SDK2: variants seen among roughly 807,000 people sequenced by gnomAD.
SDK2 encodes the protein sidekick cell adhesion molecule 2, also known as protein sidekick-2.
SDK2 carries 105 observed loss-of-function variants against 253.9 expected under a neutral mutation model. The ratio of observed to expected loss-of-function variants is 0.41; its 90% confidence interval spans 0.35 to 0.49. The LOEUF (loss-of-function observed/expected upper bound fraction) is 0.49. Among genes scored for constraint, SDK2 ranks in the 20% least tolerant of loss-of-function variants. The pLI is 0.06. For synonymous variants in SDK2, 1,249 were observed against 1,234.9 expected, an observed-to-expected ratio of 1.01 and a Z score of -0.24; for missense variants, 2,608 against 3,003.0, an observed-to-expected ratio of 0.87 and a Z score of 3.07.
chr17:73,527,857 A>C (rs527904730), intron 1 of SDK2, among the ~76,000 whole-genome samples: 6 of 152,248 alleles, frequency 3.9e-5, no homozygotes, highest in South Asian at 2.1e-4. Flanking sequence ...AAGAAAAATG[A>C]TGCTGAGGGG....
intron 1 of SDK2, among the ~76,000 whole-genome samples, chr17:73,608,035 C>T (rs2045929253): frequency 6.6e-6 from 1 of 152,092 alleles, no homozygotes; most frequent in Non-Finnish European, 1.5e-5. Context: ...CCACCAACTA[C>T]ACCCCACAGT....
chr17:73,354,184 G>C (rs2062565736), intron 40 of SDK2, among the ~76,000 whole-genome samples: 2 of 152,136 alleles, frequency 1.3e-5, no homozygotes, highest in African/African-American at 4.8e-5. Flanking sequence ...TGGGATTACA[G>C]GTGTGAGCCA....
At chr17:73,588,623 A>ACTGGCAT (rs59175589) in intron 1 of SDK2, among the ~76,000 whole-genome samples, 34,200 of 151,720 alleles carry the variant, frequency 0.23, 4,506 homozygotes, top group African/African-American at 0.37. Flanking sequence ...GGTCGTCACA[A>ACTGGCAT]CTGGCATCTA....
chr17:73,563,398 A>AC (rs1267164299), intron 1 of SDK2, among the ~76,000 whole-genome samples: 2 of 152,054 alleles, frequency 1.3e-5, no homozygotes, highest in Non-Finnish European at 2.9e-5. Flanking sequence ...ACACAGTGAG[A>AC]CCCCACCTCT....
At chr17:73,366,040 AGGAAG>A in intron 37 of SDK2, among the ~76,000 whole-genome samples, 2 of 152,192 alleles carry the variant, frequency 1.3e-5, no homozygotes, top group Non-Finnish European at 2.9e-5. Flanking sequence ...GAGGAAGGGC[AGGAAG>A]CGTCCCAATC....
intron 3 of SDK2, among the ~76,000 whole-genome samples, chr17:73,471,063 G>A (rs978241130): frequency 3.3e-5 from 5 of 152,090 alleles, no homozygotes; most frequent in South Asian, 2.1e-4. Context: ...CTTCCTCTTC[G>A]GAGGGAGATC....
In SDK2 at chr17:73,395,328, C is replaced by A. The variant is rs201041336; in HGVS notation, c.3419G>T (p.Arg1140Leu). 2 of 1,613,956 alleles carry A rather than the reference C, an allele frequency of 1.2e-6. No individual in the cohort carries two copies. Among genetic ancestry groups the A allele is most frequent in the Non-Finnish European group, 8.5e-7 (1 of 1,179,890 alleles). ...ESVGYKIKYS[R>L]SDGHGKTLSH... ...CAGCGTCTTGCCATGCCCGTCTGAC[C>A]GGCTGTACTTGATCTTATAGCCCAC... is the stretch of plus-strand genomic sequence containing the variant. The change falls in exon 25 of 45, where the codon CGG becomes CTG. Residue 1140 changes from arginine to leucine, a missense_variant. Coordinates refer to ENST00000392650, the MANE Select transcript of SDK2 (RefSeq NM_001144952.2). The surrounding 1 kb of genome is among the most constrained non-coding windows in gnomAD (Gnocchi z 4.3).
In SDK2 at chr17:73,338,082, G is replaced by C; in HGVS notation, c.*505C>G. On this transcript the variant is annotated 3_prime_UTR_variant, in exon 45 of 45. Transcript: ENST00000392650. This position sits in a 1 kb window ranked among gnomAD's most constrained non-coding sequence, Gnocchi z 5.0. ...CAGCCACAGTGATGGTGCATGGAGGGAAGGAGGAGCAGAGAGAGAAGATAG... is the reference window on the plus strand; with the variant it reads ...CAGCCACAGTGATGGTGCATGGAGGCAAGGAGGAGCAGAGAGAGAAGATAG... 2 of 238,410 alleles carry C rather than the reference G, an allele frequency of 8.4e-6. 1 individual carries two copies. Among genetic ancestry groups the C allele is most frequent in the South Asian group, 9.2e-5 (2 of 21,804 alleles). 14.8% of individuals were successfully genotyped at this position (238,410 alleles called of 1,614,324 possible). A position where few individuals can be genotyped will look rare whatever the true frequency, so the allele number is the denominator to read the frequency against.
At chr17:73,546,489 C>T (rs556218229) in intron 1 of SDK2, among the ~76,000 whole-genome samples, 2 of 152,372 alleles carry the variant, frequency 1.3e-5, no homozygotes, top group Admixed American at 1.3e-4. Context: ...GAAGGGCCCC[C>T]ACCCCCAGTC....
chr17:73,605,404 A>G (rs556186721), intron 1 of SDK2, among the ~76,000 whole-genome samples: 133 of 152,190 alleles, frequency 8.7e-4, no homozygotes, highest in African/African-American at 2.9e-3. Context: ...AGAAGAAAGC[A>G]CAGGGGGTGG....
intron 1 of SDK2, among the ~76,000 whole-genome samples, chr17:73,550,768 G>A (rs2045042571): frequency 6.6e-6 from 1 of 152,226 alleles, no homozygotes. Flanking sequence ...GGGGGACAGT[G>A]AGGTAACCCA....
chr17:73,619,962 A>C (rs139641347), intron 1 of SDK2, among the ~76,000 whole-genome samples: 1 of 152,310 alleles, frequency 6.6e-6, no homozygotes, highest in East Asian at 1.9e-4. Context: ...ACTTTGGGAC[A>C]CTGAGGCAGG....
intron 11 of SDK2, among the ~76,000 whole-genome samples, chr17:73,430,963 G>T (rs894240127): frequency 6.6e-6 from 1 of 152,242 alleles, no homozygotes; most frequent in Admixed American, 6.5e-5. Context: ...GCTGGGTGTG[G>T]ATCCAAAGTT....
At chr17:73,637,915 G>C (rs575053142) in intron 1 of SDK2, among the ~76,000 whole-genome samples, 1 of 152,178 alleles carries the variant, frequency 6.6e-6, no homozygotes, top group Admixed American at 6.5e-5. Context: ...TTCATCTGTC[G>C]GGCCAGAATC....
intron 2 of SDK2, among the ~76,000 whole-genome samples, chr17:73,493,336 G>T (rs1487653004): frequency 6.6e-6 from 1 of 152,214 alleles, no homozygotes; most frequent in Non-Finnish European, 1.5e-5. Context: ...TTTCATTAAA[G>T]GCGGCGGCGA....
rs1318906862 is a variant in SDK2 at position 73,352,182 on chromosome 17, G to A, written c.5758+291C>T. Among the ~76,000 whole-genome samples, 1 of 152,088 alleles carries A rather than the reference G, an allele frequency of 6.6e-6. No homozygotes were observed. Among genetic ancestry groups the A allele is most frequent in the Non-Finnish European group, 1.5e-5 (1 of 68,014 alleles). On this transcript the variant is annotated intron_variant, in intron 41 of 44. Coordinates refer to ENST00000392650, the MANE Select transcript of SDK2 (RefSeq NM_001144952.2). This position sits in a 1 kb window ranked among gnomAD's most constrained non-coding sequence, Gnocchi z 4.1. Reference sequence around the variant, plus strand: ...TGCCCATGAATGTCCTGGGTGATGAGTGCATGGAAGTTTGCATCTTGGGCC... The same window carrying A: ...TGCCCATGAATGTCCTGGGTGATGAATGCATGGAAGTTTGCATCTTGGGCC...
intron 2 of SDK2, among the ~76,000 whole-genome samples, chr17:73,482,283 A>G (rs936801471): frequency 4.0e-5 from 6 of 151,722 alleles, no homozygotes; most frequent in Admixed American, 1.3e-4. Flanking sequence ...AAAAAAAAGA[A>G]GAAGAAGCAG....
intron 1 of SDK2, among the ~76,000 whole-genome samples, chr17:73,605,860 C>T (rs2045900982): frequency 6.6e-6 from 1 of 152,136 alleles, no homozygotes; most frequent in Admixed American, 6.5e-5. Context: ...TCGGTAGTCC[C>T]TTCTCTGGAC....
rs562044041 is a variant in SDK2 at position 73,375,284 on chromosome 17, C to G, written c.4980+3893G>C. Reference sequence around the variant, plus strand: ...TTTGAGACAGTCTTGATCTGTTGCCCAGGCTGGAGTGCAGTGGTGCAACAA... The same window carrying G: ...TTTGAGACAGTCTTGATCTGTTGCCGAGGCTGGAGTGCAGTGGTGCAACAA... On this transcript the variant is annotated intron_variant, in intron 36 of 44. Coordinates refer to ENST00000392650, the MANE Select transcript of SDK2 (RefSeq NM_001144952.2). Among the ~76,000 whole-genome samples the G allele has an allele frequency of 2.8e-3, 350 of 122,996 alleles. 5 individuals are homozygous for G. Among genetic ancestry groups the G allele is most frequent in the African/African-American group, 0.011 (341 of 30,820 alleles). 80.7% of individuals were successfully genotyped at this position (122,996 alleles called of 152,430 possible).
Sources: allele counts gnomAD v4.1 joint callset (sites outside exome capture counted in the v4.1 genomes callset), GRCh38; gene constraint gnomAD v4.1.1; non-coding constraint Gnocchi (gnomAD v3.1); transcripts MANE v1.5; gene names NCBI Gene and HGNC (gene_info 2026-07-23, HGNC 2026-07-21).